Variants in CTIF observed in about 807,000 individuals in gnomAD.
CTIF encodes CBP80/20-dependent translation initiation factor.
A neutral mutation model predicts 66.0 loss-of-function variants in CTIF; 21 were observed. That is an observed-to-expected ratio of 0.32 (90% CI 0.23 to 0.46). The LOEUF (loss-of-function observed/expected upper bound fraction) is 0.46, where lower values mean the gene tolerates loss of function less well. CTIF is among the 20% of genes least tolerant of loss of function. CTIF has a pLI of 1.00. For synonymous variants in CTIF, 345 were observed against 326.4 expected, an observed-to-expected ratio of 1.06 and a Z score of -0.62; for missense variants, 739 against 812.7, an observed-to-expected ratio of 0.91 and a Z score of 1.10.
chr18:48,702,483 C>T (rs2092097035), intron 6 of CTIF, among the ~76,000 whole-genome samples: 1 of 152,138 alleles, frequency 6.6e-6, no homozygotes, highest in African/African-American at 2.4e-5. Context: ...TGTAGCTAGC[C>T]TCTGGGATAG....
chr18:48,563,368 G>T (rs1376109156), intron 1 of CTIF, among the ~76,000 whole-genome samples: 1 of 152,226 alleles, frequency 6.6e-6, no homozygotes, highest in Non-Finnish European at 1.5e-5. Flanking sequence ...TTGGGAGACA[G>T]TTTCAACTAT....
In CTIF at chr18:48,663,800, G is replaced by A. The variant is rs539460174; in HGVS notation, c.301G>A (p.Ala101Thr). The change falls in exon 4 of 12, where the codon GCG becomes ACG. Residue 101 changes from alanine (A) to threonine (T), a missense_variant. Ala to Thr is a moderately conservative substitution (Grantham distance 58, BLOSUM62 0). Around this residue, in one of 2 missense-constraint regions of CTIF, gnomAD observed 529 missense variants for 520.3 expected, o/e 1.02. Coordinates refer to ENST00000256413, the MANE Select transcript of CTIF (RefSeq NM_014772.3). ...GGACATGCTGGGCACGGACATCTGG[G>A]CGGCCAACACCTTCGATTCCTTCAG... Reference protein sequence around the residue: ...SLDMLGTDIWAANTFDSFSGA... With the variant: ...SLDMLGTDIWTANTFDSFSGA... 12 of 1,614,156 alleles carry A rather than the reference G, an allele frequency of 7.4e-6. No individual in the cohort carries two copies. The highest frequency in any genetic ancestry group is 1.0e-5 in the Non-Finnish European group (12 of 1,180,002).
intron 9 of CTIF, among the ~76,000 whole-genome samples, chr18:48,804,475 C>T (rs2146244258): frequency 6.6e-6 from 1 of 152,324 alleles, no homozygotes; most frequent in African/African-American, 2.4e-5. Context: ...GCTGTGAGTA[C>T]AGCCCAGCAG....
chr18:48,742,961 CT>C (rs2092567405), intron 7 of CTIF, among the ~76,000 whole-genome samples: 1 of 152,222 alleles, frequency 6.6e-6, no homozygotes, highest in South Asian at 2.1e-4. Context: ...GAGAGCCACT[CT>C]GGTGGTTTTG....
At chr18:48,587,537 G>A (rs2089798767) in intron 1 of CTIF, among the ~76,000 whole-genome samples, 1 of 152,204 alleles carries the variant, frequency 6.6e-6, no homozygotes, top group Non-Finnish European at 1.5e-5. Flanking sequence ...ATGCCGGATA[G>A]CAGAGGCCTG....
chr18:48,654,889 C>T (rs1295900137), intron 3 of CTIF, among the ~76,000 whole-genome samples: 2 of 152,080 alleles, frequency 1.3e-5, no homozygotes, highest in African/African-American at 4.8e-5. Context: ...AAACCAAACA[C>T]CACACGTTCT....
chr18:48,636,598 C>A lies in CTIF; in HGVS notation c.181-16C>A, dbSNP rs762670422. On this transcript the variant is annotated splice_polypyrimidine_tract_variant and intron_variant, in intron 2 of 11. Coordinates refer to ENST00000256413, the MANE Select transcript of CTIF (RefSeq NM_014772.3). ...GGCTGTCCTGCCGTCACTGATCGCT[C>A]CTTTCTGTTCTGCAGTGGACAGCGG... is the stretch of plus-strand genomic sequence containing the variant. 88 of 1,523,526 alleles carry A rather than the reference C, an allele frequency of 5.8e-5. No individual in the cohort carries two copies. The highest frequency in any genetic ancestry group is 7.6e-5 in the Non-Finnish European group (86 of 1,136,642). The allele number at this position is 1,523,526 out of a possible 1,614,324, so 94.4% of individuals were successfully genotyped here.
At chr18:48,843,302 CA>C (rs1305961369) in intron 10 of CTIF, among the ~76,000 whole-genome samples, 2 of 152,146 alleles carry the variant, frequency 1.3e-5, no homozygotes, top group African/African-American at 4.8e-5. Flanking sequence ...TTCTCTCCTC[CA>C]TCTGCCCTCC....
rs1911054726 is a variant in CTIF, at chr18:48,779,932, G to T, written c.1371+18243G>T. 2.0e-5 allele frequency among the ~76,000 whole-genome samples: 3 copies of T among 152,206 alleles called. No individual in the cohort carries two copies. The South Asian group carries it at 6.2e-4, about 31-fold the overall frequency. ...TCTGGGTGAAGGTGGGCCCTGGTCT[G>T]TGGGGTATGGGCATCTGTGAGCACC... On this transcript the variant is annotated intron_variant, in intron 9 of 11. Transcript: ENST00000256413.
intron 2 of CTIF, among the ~76,000 whole-genome samples, chr18:48,627,089 C>A (rs2090618069): frequency 6.6e-6 from 1 of 152,158 alleles, no homozygotes; most frequent in South Asian, 2.1e-4. Context: ...TTTTAAACAT[C>A]TTTTACAAAG....
At chr18:48,549,622 C>A (rs1053804485) in intron 1 of CTIF, among the ~76,000 whole-genome samples, 2 of 152,220 alleles carry the variant, frequency 1.3e-5, no homozygotes, top group African/African-American at 4.8e-5. Flanking sequence ...TCTCACATAA[C>A]TGCGTCCAAA....
At chr18:48,744,791 A>G (rs2092582255) in intron 7 of CTIF, among the ~76,000 whole-genome samples, 1 of 151,092 alleles carries the variant, frequency 6.6e-6, no homozygotes, top group African/African-American at 2.4e-5. Flanking sequence ...ACTTGTTAGT[A>G]TCTTTTATCC....
Position 48,622,166 on chromosome 18 carries a change from C to T in CTIF, c.180+2421C>T, listed in dbSNP as rs184491973. Among the ~76,000 whole-genome samples, 503 of 152,100 alleles carry T rather than the reference C, an allele frequency of 3.3e-3. 1 individual carries two copies. The highest frequency in any genetic ancestry group is 4.8e-3 in the Non-Finnish European group (324 of 67,984). The stretch of plus-strand genomic sequence containing the variant: ...ACCTGGATGCTGAGCCAGGCCAGGA[C>T]GGGAGTGGGTACCTGAGGTGGTTGT... On this transcript the variant is annotated intron_variant, in intron 2 of 11. Transcript: ENST00000256413.
chr18:48,782,260 T>A (rs972634448), intron 9 of CTIF, among the ~76,000 whole-genome samples: 1 of 150,858 alleles, frequency 6.6e-6, no homozygotes. Context: ...GGCATGGACT[T>A]CTCCAGGGAG....
At chr18:48,815,342 A>T (rs537272253) in intron 9 of CTIF, among the ~76,000 whole-genome samples, 54 of 152,342 alleles carry the variant, frequency 3.5e-4, no homozygotes, top group African/African-American at 1.1e-3. Context: ...AGTCATGGGC[A>T]AGTTACACAA....
chr18:48,756,532 C>T (rs562222198), intron 7 of CTIF, among the ~76,000 whole-genome samples: 53 of 152,308 alleles, frequency 3.5e-4, no homozygotes, highest in African/African-American at 1.2e-3. Context: ...AGATAGGTCA[C>T]GGAGGAGGTG....
intron 2 of CTIF, among the ~76,000 whole-genome samples, chr18:48,632,052 G>A (rs560743589): frequency 6.6e-6 from 1 of 152,318 alleles, no homozygotes; most frequent in East Asian, 1.9e-4. Context: ...AGGAGGTGGT[G>A]GTGCCTGTGC....
intron 1 of CTIF, among the ~76,000 whole-genome samples, chr18:48,555,591 GCTCCTGTGTCTTAGCACTGCCAC>G (rs1472492850): frequency 2.0e-5 from 3 of 152,230 alleles, no homozygotes; most frequent in Non-Finnish European, 4.4e-5. Flanking sequence ...CTGGGAACCA[GCTCCTGTGTCTTAGCACTGCCAC>G]CTCCCCCTGG....
At chr18:48,651,091 G>A (rs146140524) in intron 3 of CTIF, among the ~76,000 whole-genome samples, 1,547 of 152,170 alleles carry the variant, frequency 0.01, 27 homozygotes, top group African/African-American at 0.036. Context: ...ATCAATTAAC[G>A]GGCAAAATAA....
Sources: gnomAD v4.1 joint callset for allele counts (sites outside exome capture counted in the v4.1 genomes callset) on GRCh38, gnomAD v4.1.1 for gene constraint, gnomAD v4.1.1 regional missense constraint, MANE v1.5 for transcripts, NCBI Gene and HGNC (gene_info 2026-07-23, HGNC 2026-07-21) for gene names.